IFFO2: variants seen among roughly 807,000 people sequenced by gnomAD.
The protein encoded by IFFO2 is intermediate filament family orphan 2.
IFFO2 carries 19 observed loss-of-function variants against 53.5 expected under a neutral mutation model. The ratio of observed to expected loss-of-function variants is 0.36; its 90% CI spans 0.25 to 0.52. IFFO2 has a LOEUF of 0.52. Among genes scored for constraint, IFFO2 ranks in the 20% least tolerant of loss-of-function variants. IFFO2 has a pLI of 0.94. For missense variants in IFFO2, 570 were observed against 727.4 expected (o/e 0.78, Z 2.49); for synonymous variants, 303 against 313.6 (o/e 0.97, Z 0.36).
chr1:18,921,464 G>A (rs950912829), intron 1 of IFFO2, among the ~76,000 whole-genome samples: 2 of 152,244 alleles, frequency 1.3e-5, no homozygotes, highest in African/African-American at 2.4e-5. Context: ...TGTTGTTGCT[G>A]CAAGATGCAG....
chr1:18,945,179 A>T (rs1459888098), intron 1 of IFFO2, among the ~76,000 whole-genome samples: 2 of 152,114 alleles, frequency 1.3e-5, no homozygotes, highest in East Asian at 3.9e-4. Flanking sequence ...ACTGGCCCTG[A>T]ACTGGCTTGG....
Position 18,906,589 on chromosome 1 carries a change from C to G in IFFO2, c.*1972G>C, listed in dbSNP as rs577944362. The stretch of plus-strand genomic sequence containing the variant: ...GTCCAAGCCCAACTGGCTCTGATAA[C>G]CTTTGGTTAAAATAAAAATTCAACA... On this transcript the variant is annotated 3_prime_UTR_variant, in exon 9 of 9. Coordinates refer to ENST00000455833, the MANE Select transcript of IFFO2 (RefSeq NM_001136265.2). 1.3e-5 allele frequency: 2 copies of G among 152,304 alleles called. No individual in the cohort carries two copies. Among genetic ancestry groups the G allele is most frequent in the Admixed American group, 1.3e-4 (2 of 15,302 alleles). The allele number at this position is 152,304 out of a possible 1,614,324, so 9.4% of individuals were successfully genotyped here.
At chr1:18,940,560 AACGGATGG>A (rs1377686052) in intron 1 of IFFO2, among the ~76,000 whole-genome samples, 122 of 126,068 alleles carry the variant, frequency 9.7e-4, no homozygotes, top group African/African-American at 3.5e-3. Context: ...CTGATGGACA[AACGGATGG>A]ATGGATGGAT....
intron 1 of IFFO2, among the ~76,000 whole-genome samples, chr1:18,941,434 G>A (rs1238260014): frequency 6.6e-6 from 1 of 152,178 alleles, no homozygotes; most frequent in East Asian, 1.9e-4. Context: ...CTGCCCTGAC[G>A]TCAACTCTGG....
At chr1:18,941,433 C>G (rs769898317) in intron 1 of IFFO2, among the ~76,000 whole-genome samples, 3 of 152,206 alleles carry the variant, frequency 2.0e-5, no homozygotes, top group Non-Finnish European at 4.4e-5. Context: ...GCTGCCCTGA[C>G]GTCAACTCTG....
chr1:18,921,944 G>T (rs1936222231), intron 1 of IFFO2, among the ~76,000 whole-genome samples: 1 of 152,108 alleles, frequency 6.6e-6, no homozygotes, highest in Admixed American at 6.5e-5. Flanking sequence ...GGGACTGGAT[G>T]ATATTACCAA....
intron 1 of IFFO2, among the ~76,000 whole-genome samples, chr1:18,926,837 TCA>T (rs1477005506): frequency 6.6e-6 from 1 of 152,062 alleles, no homozygotes; most frequent in Non-Finnish European, 1.5e-5. Flanking sequence ...AGGGGCTGAC[TCA>T]CAGATTTTTC....
At position 18,956,223 on chromosome 1, in the gene IFFO2, G is replaced by A; in HGVS notation, c.110C>T (p.Pro37Leu). Residue 37 changes from proline (P) to leucine (L), a missense_variant, in exon 1 of 9, where the codon CCG becomes CTG. Pro to Leu is a moderately conservative substitution (Grantham distance 98, BLOSUM62 -3). Coordinates refer to ENST00000455833, the MANE Select transcript of IFFO2 (RefSeq NM_001136265.2). This position sits in a 1 kb window ranked among gnomAD's most constrained non-coding sequence, Gnocchi z 6.4. ...CGCCGCCGTCACCGGCGACGGACCCGGCCCTGCCCCGCCGCCGCCGCCGCC... is the reference window on the plus strand; with the variant it reads ...CGCCGCCGTCACCGGCGACGGACCCAGCCCTGCCCCGCCGCCGCCGCCGCC... ...GGGGGGGGAG[P>L]GPSPVTAALR... 7.7e-7 allele frequency: 1 copy of A among 1,296,258 alleles called. No individual in the cohort carries two copies. Among genetic ancestry groups the A allele is most frequent in the Non-Finnish European group, 1.0e-6 (1 of 999,870 alleles). The allele number at this position is 1,296,258 out of a possible 1,614,324, so 80.3% of individuals were successfully genotyped here.
At chr1:18,921,024 C>T (rs1163525738) in intron 2 of IFFO2, 37 bp downstream of exon 2, 22 of 1,541,266 alleles carry the variant, frequency 1.4e-5, no homozygotes, top group Middle Eastern at 3.3e-4. Context: ...GGCTCTCTGG[C>T]GTGCCTCTCC....
chr1:18,916,108 G>A lies in IFFO2; in HGVS notation c.1103+795C>T, dbSNP rs1936129497. On this transcript the variant is annotated intron_variant, in intron 5 of 8. Coordinates refer to ENST00000455833, the MANE Select transcript of IFFO2 (RefSeq NM_001136265.2). The surrounding 1 kb of genome is among the most constrained non-coding windows in gnomAD (Gnocchi z 4.3). ...CCGCTATACTCCAGTCTGGGTGACA[G>A]AGTGAGACTGTCTCAAAAAAAAAAA... 6.6e-6 allele frequency among the ~76,000 whole-genome samples: 1 copy of A among 150,832 alleles called. No individual in the cohort carries two copies. Among genetic ancestry groups the A allele is most frequent in the Admixed American group, 6.6e-5 (1 of 15,136 alleles).
intron 1 of IFFO2, among the ~76,000 whole-genome samples, chr1:18,930,456 G>A (rs1386993674): frequency 6.6e-6 from 1 of 152,178 alleles, no homozygotes; most frequent in Non-Finnish European, 1.5e-5. Flanking sequence ...CAGTACAAGG[G>A]GACAGGGTGG....
chr1:18,937,681 G>T (rs1257854352), intron 1 of IFFO2, among the ~76,000 whole-genome samples: 1 of 152,240 alleles, frequency 6.6e-6, no homozygotes, highest in African/African-American at 2.4e-5. Context: ...GATGGGGAAA[G>T]TGAGGCTCAC....
At chr1:18,925,049 C>T (rs1936264223) in intron 1 of IFFO2, among the ~76,000 whole-genome samples, 1 of 152,166 alleles carries the variant, frequency 6.6e-6, no homozygotes, top group South Asian at 2.1e-4. Flanking sequence ...CCTGACCCAA[C>T]AGCTCATAAA....
chr1:18,956,487 A>C lies in IFFO2; in HGVS notation c.-155T>G, dbSNP rs1886768. 0.99 allele frequency: 158,249 copies of C among 159,456 alleles called. 78,532 individuals are homozygous for C. Among genetic ancestry groups the C allele is most frequent in the East Asian group, 1 (5,436 of 5,436 alleles). The allele number at this position is 159,456 out of a possible 1,614,324, so 9.9% of individuals were successfully genotyped here. A position where few individuals can be genotyped will look rare whatever the true frequency, so the allele number is the denominator to read the frequency against. ...TGCGCGCCAGATGCGGCCTCCGCAG[A>C]GACGGCAGGACGGATGGCCCCGGAT... is the stretch of plus-strand genomic sequence containing the variant. On this transcript the variant is annotated 5_prime_UTR_variant, in exon 1 of 9. Coordinates refer to ENST00000455833, the MANE Select transcript of IFFO2 (RefSeq NM_001136265.2). This position sits in a 1 kb window ranked among gnomAD's most constrained non-coding sequence, Gnocchi z 6.4.
rs1191419760 is a variant in IFFO2 at position 18,916,970 on chromosome 1, G to A, written c.1036C>T (p.Arg346Trp). The change falls in exon 5 of 9, where the codon CGG becomes TGG. Residue 346 changes from arginine to tryptophan, a missense_variant. Coordinates refer to ENST00000455833, the MANE Select transcript of IFFO2 (RefSeq NM_001136265.2). The surrounding 1 kb of genome is among the most constrained non-coding windows in gnomAD (Gnocchi z 4.3). ...DISEQDGEVN[R>W]FSDDEVGSMN... ...GAGCCGACCTCATCGTCCGAGAACC[G>A]GTTCACCTCCCCGTCCTGCTCAGAG... The A allele has an allele frequency of 7.1e-6, 11 of 1,552,116 alleles. No homozygotes were observed. The highest frequency in any genetic ancestry group is 2.0e-5 in the Admixed American group (1 of 51,006).
Position 18,937,406 on chromosome 1 carries a change from A to C in IFFO2, c.666-16285T>G, listed in dbSNP as rs1936464058. ...GGGGATGGACTCATTACTTAATCCC[A>C]GGCTCCTGTCATCATGGCGGGCCCT... On this transcript the variant is annotated intron_variant, in intron 1 of 8. Coordinates refer to ENST00000455833, the MANE Select transcript of IFFO2 (RefSeq NM_001136265.2). 1.3e-5 allele frequency among the ~76,000 whole-genome samples: 2 copies of C among 152,200 alleles called. 1 individual carries two copies. The highest frequency in any genetic ancestry group is 4.1e-4 in the South Asian group (2 of 4,830).
chr1:18,911,327 C>T, intron 7 of IFFO2, 57 bp downstream of exon 7: 1 of 891,628 alleles, frequency 1.1e-6, no homozygotes, highest in Non-Finnish European at 1.6e-6. Context: ...GCCAGGATCT[C>T]AACCATGTGG....
chr1:18,923,050 G>C (rs541236966), intron 1 of IFFO2, among the ~76,000 whole-genome samples: 1 of 152,224 alleles, frequency 6.6e-6, no homozygotes, highest in Admixed American at 6.5e-5. Context: ...GGCTCAGAGC[G>C]GGGAAGGCGA....
chr1:18,917,337 G>C lies in IFFO2; in HGVS notation c.964-295C>G, dbSNP rs951170013. On this transcript the variant is annotated intron_variant, in intron 4 of 8. Coordinates refer to ENST00000455833, the MANE Select transcript of IFFO2 (RefSeq NM_001136265.2). The surrounding 1 kb of genome is among the most constrained non-coding windows in gnomAD (Gnocchi z 5.9). ...GAAGCAGCCCCACAGTTTGGGGAGA[G>C]GAGCAGGCCAGACCGGGACACAGAG... Among the ~76,000 whole-genome samples the C allele has an allele frequency of 2.0e-5, 3 of 152,166 alleles. No homozygotes were observed. Among genetic ancestry groups the C allele is most frequent in the Non-Finnish European group, 2.9e-5 (2 of 68,036 alleles).
Sources: gnomAD v4.1 joint callset for allele counts (sites outside exome capture counted in the v4.1 genomes callset) on GRCh38, gnomAD v4.1.1 for gene constraint, Gnocchi (gnomAD v3.1) non-coding constraint, MANE v1.5 for transcripts, NCBI Gene and HGNC (gene_info 2026-07-23, HGNC 2026-07-21) for gene names.